The following OGT variants were observed in gnomAD, a reference collection of about 807,000 sequenced individuals.
OGT encodes O-linked N-acetylglucosamine (GlcNAc) transferase.
OGT carries 3 observed loss-of-function variants against 75.8 expected under a neutral mutation model. That is an observed-to-expected ratio of 0.04 (90% CI 0.02 to 0.10). The LOEUF is 0.10. OGT is among the 10% of genes least tolerant of loss of function. The pLI is 1.00. For missense variants in OGT, 260 were observed against 824.4 expected (o/e 0.32, Z 8.38); for synonymous variants, 257 against 289.7 (o/e 0.89, Z 1.15).
chrX:71,557,182 A>C lies in OGT; in HGVS notation c.1321-13A>C, dbSNP rs778131609. The stretch of plus-strand genomic sequence containing the variant: ...TGGAAATTTTTTACCATCCTGCTTT[A>C]TTTATTTTCCAGGATTCAGGGAATA... On this transcript the variant is annotated splice_polypyrimidine_tract_variant and intron_variant, in intron 10 of 21. Coordinates refer to ENST00000373719, the MANE Select transcript of OGT (RefSeq NM_181672.3). 27 of 1,203,131 alleles carry C rather than the reference A, an allele frequency of 2.2e-5. No homozygotes were observed. The African/African-American group carries it at 2.3e-4, about 10-fold the overall frequency.
At position 71,537,865 on chromosome X, in the gene OGT, C is replaced by A. The variant is rs1463640034; in HGVS notation, c.255C>A (p.Asn85Lys). 8.3e-7 allele frequency: 1 copy of A among 1,211,692 alleles called. No individual in the cohort carries two copies. The highest frequency in any genetic ancestry group is 2.2e-5 in the Admixed American group (1 of 46,061). The change falls in exon 3 of 22, where the codon AAC becomes AAA. Residue 85 changes from asparagine to lysine, a missense_variant. Physicochemically the swap from Asn to Lys is moderately conservative, Grantham distance 94. Around this residue, in one of 6 missense-constraint regions of OGT, gnomAD observed 38 missense variants for 117.1 expected, o/e 0.32. Transcript: ENST00000373719. ...AHFSTLAIKQ[N>K]PLLAEAYSNL... ...TTAGCACTCTGGCAATTAAACAGAA[C>A]CCCCTTCTGGCAGAAGCTTATTCGA...
At chrX:71,566,391 C>A (rs1368945211) in intron 19 of OGT, among the ~76,000 whole-genome samples, 1 of 111,876 alleles carries the variant, frequency 8.9e-6, no homozygotes, top group East Asian at 2.8e-4. Context: ...ACTCACAGTT[C>A]CGCGTGGCTA....
chrX:71,562,487 G>A (rs2040391414), intron 15 of OGT, among the ~76,000 whole-genome samples: 1 of 111,712 alleles, frequency 9.0e-6, no homozygotes, highest in African/African-American at 3.3e-5. Flanking sequence ...CATTGCTTTC[G>A]GCTAAAGAAG....
intron 7 of OGT, 97 bp from the exon 8 acceptor site, chrX:71,555,857 T>TA: frequency 1.0e-6 from 1 of 1,003,045 alleles, no homozygotes; most frequent in Non-Finnish European, 1.4e-6. Context: ...TCTGTAGCAT[T>TA]ACCAGCCATT....
At chrX:71,555,496 A>T in intron 7 of OGT, 111 bp downstream of exon 7, 1 of 702,745 alleles carries the variant, frequency 1.4e-6, no homozygotes, top group East Asian at 3.5e-5. Flanking sequence ...CCGAGATCAG[A>T]GGATTGCTTG....
chrX:71,560,686 T>A (rs1469226114), intron 14 of OGT, among the ~76,000 whole-genome samples: 1 of 111,960 alleles, frequency 8.9e-6, no homozygotes, highest in Non-Finnish European at 1.9e-5. Context: ...TAACAAATTT[T>A]GCAGTATAGC....
intron 12 of OGT, 63 bp from the exon 13 acceptor site, chrX:71,559,204 G>T: frequency 9.1e-7 from 1 of 1,094,002 alleles, no homozygotes; most frequent in East Asian, 3.0e-5. Flanking sequence ...TGTGTTTTTC[G>T]TCAGTTTTCC....
chrX:71,560,275 CAAAAAAAAAAAA>C lies in OGT; in HGVS notation c.1851+606_1851+617del, dbSNP rs764918597. On this transcript the variant is annotated intron_variant, in intron 14 of 21. Coordinates refer to ENST00000373719, the MANE Select transcript of OGT (RefSeq NM_181672.3). ...GCCTGGCAAGAGCAAGACTCTGTCTCAAAAAAAAAAAAAAAAAAAGAAAAAATAGATGAACTA... is the reference window on the plus strand; with the variant it reads ...GCCTGGCAAGAGCAAGACTCTGTCTCAAAAAAAGAAAAAATAGATGAACTA... 1.3e-4 allele frequency among the ~76,000 whole-genome samples: 6 copies of C among 45,848 alleles called. No individual in the cohort carries two copies. The South Asian group carries it at 5.7e-3, about 44-fold the overall frequency. 39.8% of individuals were successfully genotyped at this position (45,848 alleles called of 115,157 possible). A position where few individuals can be genotyped will look rare whatever the true frequency, so the allele number is the denominator to read the frequency against.
rs2040273983 is a variant in OGT, at chrX:71,548,043, A to G, written c.648+20A>G. On this transcript the variant is annotated intron_variant, in intron 5 of 21. Transcript: ENST00000373719. ...GAAAAGGTTAGTCATTAAATTAATA[A>G]TTGGTATTTTTGAAGTGCTTACGCA... 2 of 1,202,970 alleles carry G rather than the reference A, an allele frequency of 1.7e-6. No homozygotes were observed. Among genetic ancestry groups the G allele is most frequent in the South Asian group, 1.8e-5 (1 of 56,518 alleles).
At chrX:71,544,283 A>C (rs1478216945) in intron 3 of OGT, among the ~76,000 whole-genome samples, 1 of 112,130 alleles carries the variant, frequency 8.9e-6, no homozygotes, top group African/African-American at 3.2e-5. Context: ...AAACACATTT[A>C]TATTTCTGCA....
At position 71,573,640 on chromosome X, in the gene OGT, A is replaced by G; in HGVS notation, c.2987A>G (p.Lys996Arg). The G allele has an allele frequency of 8.4e-7, 1 of 1,194,885 alleles. No homozygotes were observed. Among genetic ancestry groups the G allele is most frequent in the Non-Finnish European group, 1.1e-6 (1 of 889,252 alleles). ...DLEYLKKVRG[K>R]VWKQRISSPL... ...CCCAGCCTGAAGAAAGTTCGTGGCA[A>G]AGTCTGGAAGCAAAGAATATCTAGC... The change falls in exon 22 of 22, where the codon AAA (lysine) becomes AGA (arginine). Residue 996 changes from lysine to arginine, a missense_variant. Lys to Arg is a conservative substitution (Grantham distance 26). Coordinates refer to ENST00000373719, the MANE Select transcript of OGT (RefSeq NM_181672.3).
chrX:71,539,320 T>C (rs2040201106), intron 3 of OGT, among the ~76,000 whole-genome samples: 1 of 112,462 alleles, frequency 8.9e-6, no homozygotes, highest in Non-Finnish European at 1.9e-5. Context: ...ATTTTGAGAG[T>C]TTAAACGTGT....
chrX:71,535,928 CAT>C (rs937764042), intron 1 of OGT, among the ~76,000 whole-genome samples: 2 of 111,707 alleles, frequency 1.8e-5, no homozygotes, highest in Non-Finnish European at 3.8e-5. Flanking sequence ...AATGTAATCT[CAT>C]ATGGAAGTAA....
intron 12 of OGT, among the ~76,000 whole-genome samples, chrX:71,558,177 C>T (rs779021983): frequency 1.8e-5 from 2 of 110,271 alleles, no homozygotes; most frequent in East Asian, 2.8e-4. Context: ...TCTTGAACCT[C>T]TGGGCTCAAG....
intron 14 of OGT, 113 bp from the exon 15 acceptor site, chrX:71,561,662 G>T: frequency 1.7e-6 from 1 of 572,101 alleles, no homozygotes; most frequent in Non-Finnish European, 2.5e-6. Context: ...TTTCCATCTG[G>T]GAATCTGAAT....
At chrX:71,553,947 C>G (rs1421372048) in intron 5 of OGT, among the ~76,000 whole-genome samples, 1 of 111,674 alleles carries the variant, frequency 9.0e-6, no homozygotes, top group East Asian at 2.8e-4. Context: ...GGTACCTTTT[C>G]TAGGAGGTAA....
At chrX:71,562,009 A>G (rs906052661) in intron 15 of OGT, 109 bp downstream of exon 15, 1 of 802,833 alleles carries the variant, frequency 1.2e-6, no homozygotes, top group Non-Finnish European at 1.7e-6. Flanking sequence ...TAGGGCAGAC[A>G]TACTTTTAAT....
intron 3 of OGT, among the ~76,000 whole-genome samples, chrX:71,539,527 C>T (rs966122807): frequency 1.8e-5 from 2 of 111,638 alleles, no homozygotes; most frequent in Non-Finnish European, 3.8e-5. Flanking sequence ...ACAGTGAATA[C>T]CTCCAGTTAG....
chrX:71,575,788 T>C lies in OGT; in HGVS notation c.*1994T>C, dbSNP rs779604276. 1 of 112,783 alleles carries C rather than the reference T, an allele frequency of 8.9e-6. No homozygotes were observed. Among genetic ancestry groups the C allele is most frequent in the East Asian group, 2.8e-4 (1 of 3,606 alleles). The allele number at this position is 112,783 out of a possible 1,213,427, so 9.3% of individuals were successfully genotyped here. A position where few individuals can be genotyped will look rare whatever the true frequency, so the allele number is the denominator to read the frequency against. Reference sequence around the variant, plus strand: ...ATATTACTGGAAACTAATTGTTTTTTTTCTATTGTACTCTGCTTTATCAAA... The same window carrying C: ...ATATTACTGGAAACTAATTGTTTTTCTTCTATTGTACTCTGCTTTATCAAA... On this transcript the variant is annotated 3_prime_UTR_variant, in exon 22 of 22. Coordinates refer to ENST00000373719, the MANE Select transcript of OGT (RefSeq NM_181672.3).
Sources: allele counts gnomAD v4.1 joint callset (sites outside exome capture counted in the v4.1 genomes callset), GRCh38; gene constraint gnomAD v4.1.1; regional missense constraint gnomAD v4.1.1; transcripts MANE v1.5; gene names NCBI Gene and HGNC (gene_info 2026-07-23, HGNC 2026-07-21).